Variants in GRIP1 observed in about 807,000 individuals in gnomAD.
GRIP1 encodes glutamate receptor-interacting protein 1.
A neutral mutation model predicts 129.9 loss-of-function variants in GRIP1; 45 were observed. The ratio of observed to expected loss-of-function variants is 0.35; its 90% CI spans 0.27 to 0.44. GRIP1 has a LOEUF of 0.44. Ranked by LOEUF, GRIP1 falls within the 20% of genes least tolerant of loss-of-function variation. The pLI is 1.00. For missense variants in GRIP1, 1,196 were observed against 1,396.8 expected, an observed-to-expected ratio of 0.86 and a Z score of 2.29; for synonymous variants, 530 against 520.8, an observed-to-expected ratio of 1.02 and a Z score of -0.24.
intron 14 of GRIP1, among the ~76,000 whole-genome samples, chr12:66,425,731 C>G (rs2137893234): frequency 6.6e-6 from 1 of 151,512 alleles, no homozygotes; most frequent in East Asian, 2.0e-4. Flanking sequence ...GACAAAAAAC[C>G]AAACACCGCA....
At chr12:66,422,265 T>C (rs117195187) in intron 14 of GRIP1, among the ~76,000 whole-genome samples, 29 of 152,330 alleles carry the variant, frequency 1.9e-4, no homozygotes, top group Non-Finnish European at 4.0e-4. Flanking sequence ...CCATAGTAAA[T>C]GCTAATGGGA....
intron 11 of GRIP1, 110 bp downstream of exon 11, chr12:66,455,299 G>T: frequency 1.0e-6 from 1 of 983,058 alleles, no homozygotes; most frequent in Non-Finnish European, 1.6e-6. Flanking sequence ...GCATCTACCT[G>T]ATCACTTAAG....
In GRIP1 at chr12:66,767,793, G is replaced by C. The variant is rs374399209; in HGVS notation, c.-420+36260C>G. ...CCTCTCCTTAGCTTTGTCCACCATG[G>C]ACATAACATACATGTTTTGGTGCCA... is the stretch of plus-strand genomic sequence containing the variant. On this transcript the variant is annotated intron_variant, in intron 1 of 4. Coordinates refer to the GRIP1 transcript ENST00000538373. Among the ~76,000 whole-genome samples the C allele has an allele frequency of 2.0e-3, 307 of 152,236 alleles. 3 individuals are homozygous for C. Among genetic ancestry groups the C allele is most frequent in the African/African-American group, 6.7e-3 (278 of 41,538 alleles).
chr12:66,616,863 G>A (rs1478429054), intron 1 of GRIP1, among the ~76,000 whole-genome samples: 1 of 152,032 alleles, frequency 6.6e-6, no homozygotes. Flanking sequence ...CCAGAACAAG[G>A]ACCACCTGCT....
intron 1 of GRIP1, among the ~76,000 whole-genome samples, chr12:66,869,391 T>C (rs1350681365): frequency 6.6e-6 from 1 of 152,034 alleles, no homozygotes; most frequent in African/African-American, 2.4e-5. Context: ...AATTGCATGG[T>C]GATTGGTGAA....
At chr12:66,907,812 C>T (rs1179032192) in intron 1 of GRIP1, among the ~76,000 whole-genome samples, 1 of 152,086 alleles carries the variant, frequency 6.6e-6, no homozygotes, top group African/African-American at 2.4e-5. Flanking sequence ...GAGATTCCTA[C>T]ATCAATTGCA....
intron 11 of GRIP1, among the ~76,000 whole-genome samples, chr12:66,454,448 ACT>A (rs2058895110): frequency 6.6e-6 from 1 of 152,012 alleles, no homozygotes; most frequent in African/African-American, 2.4e-5. Flanking sequence ...CAAGAAACAG[ACT>A]CTCTAGACTA....
intron 1 of GRIP1, among the ~76,000 whole-genome samples, chr12:66,767,985 T>C (rs544268464): frequency 2.0e-5 from 3 of 152,316 alleles, no homozygotes; most frequent in South Asian, 4.1e-4. Flanking sequence ...AATGTGTATA[T>C]GCTGCAGGCT....
intron 1 of GRIP1, among the ~76,000 whole-genome samples, chr12:66,859,921 C>A (rs2040082275): frequency 6.6e-6 from 1 of 152,068 alleles, no homozygotes; most frequent in African/African-American, 2.4e-5. Flanking sequence ...GGTCCCCTAT[C>A]TGCAGCCAGT....
intron 1 of GRIP1, among the ~76,000 whole-genome samples, chr12:67,043,992 T>C (rs2043216995): frequency 6.6e-6 from 1 of 152,160 alleles, no homozygotes; most frequent in African/African-American, 2.4e-5. Context: ...TAGGGCCCAT[T>C]CCACCCACGG....
At chr12:66,477,666 G>C (rs1472713126) in intron 7 of GRIP1, among the ~76,000 whole-genome samples, 3 of 152,132 alleles carry the variant, frequency 2.0e-5, no homozygotes, top group Non-Finnish European at 4.4e-5. Flanking sequence ...GCATGGTACT[G>C]GTACCAAAAC....
chr12:66,739,628 G>A (rs1235637328), intron 1 of GRIP1, among the ~76,000 whole-genome samples: 1 of 151,974 alleles, frequency 6.6e-6, no homozygotes, highest in Non-Finnish European at 1.5e-5. Flanking sequence ...AATAGCTAAT[G>A]CATGCTGGGC....
chr12:66,430,064 T>G (rs2058101906), intron 14 of GRIP1, among the ~76,000 whole-genome samples: 1 of 152,188 alleles, frequency 6.6e-6, no homozygotes, highest in Admixed American at 6.5e-5. Flanking sequence ...TACATAGTGC[T>G]TAGTAAAACA....
intron 1 of GRIP1, among the ~76,000 whole-genome samples, chr12:66,783,582 T>G (rs1383600943): frequency 6.6e-6 from 1 of 152,188 alleles, no homozygotes; most frequent in African/African-American, 2.4e-5. Flanking sequence ...TGATACATCT[T>G]TATTTCCTTG....
intron 1 of GRIP1, among the ~76,000 whole-genome samples, chr12:66,938,248 C>T (rs35720207): frequency 0.017 from 2,640 of 151,964 alleles, 64 homozygotes; most frequent in African/African-American, 0.048. Context: ...TGGTGGCACA[C>T]GCCTGTAGTC....
At chr12:66,805,519 A>G (rs2038971964), upstream of GRIP1, among the ~76,000 whole-genome samples, 1 of 152,198 alleles carries the variant, frequency 6.6e-6, no homozygotes, top group Admixed American at 6.5e-5. Flanking sequence ...CTAATGATAT[A>G]CTGCAGCTCC....
rs1210239024 is a variant in GRIP1, at chr12:66,347,632, A to G, written c.*1387T>C. 6.6e-6 allele frequency: 1 copy of G among 152,242 alleles called. No individual in the cohort carries two copies. Among genetic ancestry groups the G allele is most frequent in the Admixed American group, 6.5e-5 (1 of 15,292 alleles). The allele number at this position is 152,242 out of a possible 1,614,324, so 9.4% of individuals were successfully genotyped here. ...ATACTTGTTTGTTACAAATAAAAAT[A>G]CATATTTAAGTGACTCATGATCTTT... On this transcript the variant is annotated 3_prime_UTR_variant, in exon 25 of 25. Transcript: ENST00000359742.
Position 66,455,583 on chromosome 12 carries a change from G to A in GRIP1, c.1199-19C>T, listed in dbSNP as rs767500851. The A allele has an allele frequency of 4.8e-5, 77 of 1,611,472 alleles. No individual in the cohort carries two copies. Among genetic ancestry groups the A allele is most frequent in the Admixed American group, 1.7e-4 (10 of 59,978 alleles). ...AAAGCTGCTGCAAGAGAGTGAAGAC[G>A]TTGCACAGAGCACTCTCAGGTGAGG... On this transcript the variant is annotated intron_variant, in intron 10 of 24. Transcript: ENST00000359742.
At chr12:66,418,138 C>G (rs571752638) in intron 15 of GRIP1, among the ~76,000 whole-genome samples, 27 of 152,150 alleles carry the variant, frequency 1.8e-4, no homozygotes, top group African/African-American at 6.0e-4. Flanking sequence ...AATCCACATG[C>G]CTACAGTGAA....
Sources: allele counts gnomAD v4.1 joint callset (sites outside exome capture counted in the v4.1 genomes callset), GRCh38; gene constraint gnomAD v4.1.1; transcripts MANE v1.5; gene names NCBI Gene and HGNC (gene_info 2026-07-23, HGNC 2026-07-21).